Variants in PREX2 observed in about 807,000 individuals in gnomAD.
The protein encoded by PREX2 is phosphatidylinositol 3,4,5-trisphosphate-dependent Rac exchanger 2 protein.
PREX2 carries 107 observed loss-of-function variants against 203.2 expected under a neutral mutation model. The observed-to-expected ratio is 0.53, with a 90% confidence interval of 0.45 to 0.62. PREX2 has a LOEUF of 0.62. Ranked by LOEUF, PREX2 falls within the 20% of genes least tolerant of loss-of-function variation. PREX2 has a pLI of 0.00. For missense variants in PREX2, 1,777 were observed against 1,955.9 expected, an observed-to-expected ratio of 0.91 and a Z score of 1.72; for synonymous variants, 672 against 663.6, an observed-to-expected ratio of 1.01 and a Z score of -0.19.
At chr8:67,957,354 T>C (rs1805521732) in intron 1 of PREX2, among the ~76,000 whole-genome samples, 1 of 152,184 alleles carries the variant, frequency 6.6e-6, no homozygotes, top group Non-Finnish European at 1.5e-5. Flanking sequence ...ATCCTCACTC[T>C]ATTATTCAGC....
intron 1 of PREX2, among the ~76,000 whole-genome samples, chr8:68,006,573 C>A (rs1399887425): frequency 6.6e-6 from 1 of 152,164 alleles, no homozygotes; most frequent in Non-Finnish European, 1.5e-5. Flanking sequence ...GTCACTGTTG[C>A]CTGGAGTCTA....
At chr8:67,991,952 C>T (rs6995640) in intron 1 of PREX2, among the ~76,000 whole-genome samples, 73,362 of 152,044 alleles carry the variant, frequency 0.48, 18,063 homozygotes, top group South Asian at 0.61. Context: ...ATTTAACCTT[C>T]ATTACAAATT....
intron 29 of PREX2, among the ~76,000 whole-genome samples, chr8:68,120,584 C>T (rs369699293): frequency 2.6e-5 from 4 of 152,152 alleles, no homozygotes; most frequent in East Asian, 1.9e-4. Context: ...TGAAACCAAG[C>T]GTAATGTCTT....
chr8:68,075,288 T>C (rs1291311135), intron 14 of PREX2, among the ~76,000 whole-genome samples: 1 of 152,226 alleles, frequency 6.6e-6, no homozygotes, highest in East Asian at 1.9e-4. Context: ...ATCAATCAAA[T>C]AAAGCAATCA....
intron 1 of PREX2, among the ~76,000 whole-genome samples, chr8:67,972,654 G>A (rs954977410): frequency 5.9e-4 from 90 of 152,148 alleles, no homozygotes; most frequent in African/African-American, 2.2e-3. Flanking sequence ...CCTCCCTGTA[G>A]GGCCTCCCTT....
intron 1 of PREX2, among the ~76,000 whole-genome samples, chr8:68,008,278 C>T (rs755259906): frequency 6.6e-6 from 1 of 152,196 alleles, no homozygotes; most frequent in Non-Finnish European, 1.5e-5. Flanking sequence ...TATATTAATA[C>T]TTGTCCGTAT....
At chr8:68,219,749 C>T (rs1165590493) in intron 38 of PREX2, among the ~76,000 whole-genome samples, 2 of 152,174 alleles carry the variant, frequency 1.3e-5, no homozygotes, top group Non-Finnish European at 1.5e-5. Flanking sequence ...CGCGGATTCT[C>T]CTTCCAGTAT....
chr8:68,119,301 C>A (rs955635401), intron 27 of PREX2, 131 bp from the exon 28 acceptor site: 6 of 613,260 alleles, frequency 9.8e-6, no homozygotes, highest in African/African-American at 1.9e-5. Context: ...TTTCTCTGAA[C>A]ATGAGAACTG....
chr8:68,063,291 G>A (rs539064717), intron 11 of PREX2, among the ~76,000 whole-genome samples: 30 of 152,160 alleles, frequency 2.0e-4, no homozygotes, highest in South Asian at 1.9e-3. Context: ...TTTGTTTTTC[G>A]TGGGTGTGCA....
In PREX2 at chr8:68,154,862, A is replaced by AC. The variant is rs546709576; in HGVS notation, c.4232-2457dup. 1.5e-3 allele frequency among the ~76,000 whole-genome samples: 235 copies of AC among 152,270 alleles called. 1 individual carries two copies. The highest frequency in any genetic ancestry group is 5.3e-3 in the African/African-American group (220 of 41,554). ...TTCAGTGAGGTCCAGATACTTATATACCCTTCTTCATAGGCGATGGGAGAG... is the reference window on the plus strand; with the variant it reads ...TTCAGTGAGGTCCAGATACTTATATACCCCTTCTTCATAGGCGATGGGAGAG... On this transcript the variant is annotated intron_variant, in intron 34 of 39. Transcript: ENST00000288368.
intron 8 of PREX2, among the ~76,000 whole-genome samples, chr8:68,049,594 T>C (rs1162357740): frequency 6.6e-6 from 1 of 152,098 alleles, no homozygotes; most frequent in East Asian, 1.9e-4. Context: ...GTCCCTTGGA[T>C]TTTTCTGTTT....
chr8:68,158,597 G>T (rs919271363), intron 35 of PREX2, among the ~76,000 whole-genome samples: 20 of 152,092 alleles, frequency 1.3e-4, no homozygotes, highest in African/African-American at 4.6e-4. Flanking sequence ...AAGCTCTAGG[G>T]TGTGGGTTGT....
intron 33 of PREX2, among the ~76,000 whole-genome samples, chr8:68,140,749 G>A (rs1055045837): frequency 3.3e-5 from 5 of 152,142 alleles, no homozygotes; most frequent in Non-Finnish European, 5.9e-5. Flanking sequence ...ATAAGATAAT[G>A]TATTTGAAAG....
intron 1 of PREX2, among the ~76,000 whole-genome samples, chr8:67,995,026 T>C (rs752632253): frequency 2.8e-4 from 42 of 152,168 alleles, no homozygotes; most frequent in Non-Finnish European, 5.0e-4. Context: ...TTCTTTTCTT[T>C]CCTATTTTCT....
At chr8:68,056,272 G>A (rs1808678781) in intron 10 of PREX2, among the ~76,000 whole-genome samples, 1 of 152,128 alleles carries the variant, frequency 6.6e-6, no homozygotes, top group Admixed American at 6.5e-5. Context: ...AGGTAGGTTT[G>A]CCTGCAGGGG....
At chr8:67,998,857 C>A (rs1806847820) in intron 1 of PREX2, among the ~76,000 whole-genome samples, 2 of 152,226 alleles carry the variant, frequency 1.3e-5, no homozygotes, top group East Asian at 3.9e-4. Flanking sequence ...AATTCACACT[C>A]CTACTGCAGC....
chr8:68,165,983 C>T (rs960286632), intron 35 of PREX2, among the ~76,000 whole-genome samples: 19 of 152,108 alleles, frequency 1.2e-4, no homozygotes, highest in African/African-American at 3.9e-4. Flanking sequence ...TGTGTAAAAC[C>T]AGACCACTGG....
At chr8:68,183,699 C>T (rs1245155636) in intron 35 of PREX2, among the ~76,000 whole-genome samples, 1 of 152,068 alleles carries the variant, frequency 6.6e-6, no homozygotes. Flanking sequence ...GGATTTCAAC[C>T]TAGTCAGGTC....
chr8:68,055,849 G>A lies in PREX2; in HGVS notation c.1113G>A (p.Glu371=), dbSNP rs1808662018. The change falls in exon 10 of 40, where the codon GAG becomes GAA. Residue 371 remains glutamate, a synonymous_variant. Transcript: ENST00000288368. ...TGATAGGTTTAAAATTAGGAATGGAGCAAGATACCTGGGTCATGATCTCTG... is the reference window on the plus strand; with the variant it reads ...TGATAGGTTTAAAATTAGGAATGGAACAAGATACCTGGGTCATGATCTCTG... ...ERRKGLKLGM[E]QDTWVMISEQ... The A allele has an allele frequency of 6.2e-7, 1 of 1,612,192 alleles. No individual in the cohort carries two copies. The highest frequency in any genetic ancestry group is 1.7e-5 in the Admixed American group (1 of 59,608).
Sources: gnomAD v4.1 joint callset for allele counts (sites outside exome capture counted in the v4.1 genomes callset) on GRCh38, gnomAD v4.1.1 for gene constraint, MANE v1.5 for transcripts, NCBI Gene and HGNC (gene_info 2026-07-23, HGNC 2026-07-21) for gene names.